The following MMP17 variants were observed in gnomAD, a reference collection of about 807,000 sequenced individuals.
MMP17 encodes the protein matrix metallopeptidase 17, also known as matrix metalloproteinase-17.
A neutral mutation model predicts 49.1 loss-of-function variants in MMP17; 54 were observed. That is an observed-to-expected ratio of 1.10 (90% CI 0.88 to 1.38). The LOEUF is 1.38. Ranked by LOEUF, MMP17 falls within the 40% of genes most tolerant of loss-of-function variation. The pLI, the probability that MMP17 is intolerant of heterozygous loss-of-function variation, is 0.00. For synonymous variants in MMP17, 397 were observed against 383.1 expected (o/e 1.04, Z -0.42); for missense variants, 837 against 853.7 (o/e 0.98, Z 0.24).
At chr12:131,829,550 C>T (rs941800238) in intron 1 of MMP17, among the ~76,000 whole-genome samples, 1 of 152,196 alleles carries the variant, frequency 6.6e-6, no homozygotes, top group African/African-American at 2.4e-5. Flanking sequence ...GACTCCTACC[C>T]AGGGAGTCGG....
chr12:131,849,985 C>A lies in MMP17; in HGVS notation c.1388C>A (p.Pro463His). Residue 463 changes from proline to histidine, a missense_variant, in exon 9 of 10, where the codon CCC (proline) becomes CAC (histidine). Coordinates refer to ENST00000360564, the MANE Select transcript of MMP17 (RefSeq NM_016155.7). Reference sequence around the variant, plus strand: ...GATGACCACACGAGGCACATGGACCCCGGCTACCCCGCCCAGAGCCCCCTG... The same window carrying A: ...GATGACCACACGAGGCACATGGACCACGGCTACCCCGCCCAGAGCCCCCTG... ...RYDDHTRHMD[P>H]GYPAQSPLWR... The A allele has an allele frequency of 1.2e-6, 2 of 1,613,796 alleles. No individual in the cohort carries two copies. The highest frequency in any genetic ancestry group is 1.3e-5 in the African/African-American group (1 of 75,050).
At chr12:131,830,467 C>T (rs1031051141) in intron 1 of MMP17, among the ~76,000 whole-genome samples, 2 of 152,234 alleles carry the variant, frequency 1.3e-5, no homozygotes, top group Admixed American at 6.5e-5. Context: ...GTGGAGCCTC[C>T]GTCCTGCCGC....
In MMP17 at chr12:131,836,678, A is replaced by G. The variant is rs992116223; in HGVS notation, c.160-1517A>G. Among the ~76,000 whole-genome samples the G allele has an allele frequency of 5.0e-4, 8 of 15,894 alleles. 1 individual carries two copies. The highest frequency in any genetic ancestry group is 2.3e-3 in the East Asian group (1 of 444). 10.4% of individuals were successfully genotyped at this position (15,894 alleles called of 152,430 possible). ...CAAGCATTTTCTAAATGTCCAGAGA[A>G]AAAAAAAAAGACAGGTTTGCAGGCA... On this transcript the variant is annotated intron_variant, in intron 1 of 9. Transcript: ENST00000360564.
At chr12:131,850,309 C>A (rs1023993902) in intron 9 of MMP17, among the ~76,000 whole-genome samples, 1 of 152,194 alleles carries the variant, frequency 6.6e-6, no homozygotes, top group African/African-American at 2.4e-5. Context: ...GCTGCTCCCC[C>A]AGCCACGCTC....
chr12:131,847,109 T>TA (rs34505286), intron 8 of MMP17, among the ~76,000 whole-genome samples: 61,877 of 136,396 alleles, frequency 0.45, 14,370 homozygotes, highest in Non-Finnish European at 0.56. Flanking sequence ...AGACCTTGTC[T>TA]AAAAAAAAAA....
chr12:131,837,990 G>C (rs1225975554), intron 1 of MMP17: 3 of 540,822 alleles, frequency 5.5e-6, no homozygotes, highest in Non-Finnish European at 6.3e-6. Context: ...GATTACAGGC[G>C]TGAGCCACAG....
Position 131,850,048 on chromosome 12 carries a change from G to T in MMP17, c.1451G>T (p.Arg484Leu). ...CCCAGCACGCTGGACGACGCCATGC[G>T]CTGGTCCGACGGTGAGTGCCAGCTG... ...GVPSTLDDAM[R>L]WSDGASYFFR... Residue 484 changes from arginine to leucine, a missense_variant, in exon 9 of 10, where the codon CGC (arginine) becomes CTC (leucine). Transcript: ENST00000360564. 1 of 1,610,896 alleles carries T rather than the reference G, an allele frequency of 6.2e-7. No homozygotes were observed. The highest frequency in any genetic ancestry group is 8.5e-7 in the Non-Finnish European group (1 of 1,178,776).
chr12:131,844,488 A>G (rs1887590787), intron 6 of MMP17: 1 of 272,082 alleles, frequency 3.7e-6, no homozygotes, highest in African/African-American at 2.3e-5. Flanking sequence ...GCTGGGCCCA[A>G]CTGGGACGGC....
chr12:131,845,072 G>A (rs779812228), intron 6 of MMP17, 46 bp from the exon 7 acceptor site: 102 of 1,498,480 alleles, frequency 6.8e-5, no homozygotes, highest in Non-Finnish European at 8.7e-5. Flanking sequence ...CCTGTCCCGC[G>A]CTGCCCAGGC....
At chr12:131,833,669 T>C (rs1317355015) in intron 1 of MMP17, among the ~76,000 whole-genome samples, 5 of 152,222 alleles carry the variant, frequency 3.3e-5, no homozygotes, top group Admixed American at 3.3e-4. Flanking sequence ...TTCTCATCTG[T>C]AAAATGGGGC....
chr12:131,847,318 C>T (rs1887760177), intron 8 of MMP17, among the ~76,000 whole-genome samples: 1 of 149,162 alleles, frequency 6.7e-6, no homozygotes, highest in Non-Finnish European at 1.5e-5. Flanking sequence ...GAGGCTGAGG[C>T]AGGAGAATGG....
intron 8 of MMP17, among the ~76,000 whole-genome samples, chr12:131,848,591 G>A (rs1488708482): frequency 7.9e-6 from 1 of 126,458 alleles, no homozygotes; most frequent in South Asian, 2.8e-4. Flanking sequence ...GGGCAGCCCC[G>A]CCCCTCCCCT....
In MMP17 at chr12:131,850,192, C is replaced by G. The variant is rs1026534835; in HGVS notation, c.1462+133C>G. On this transcript the variant is annotated intron_variant, in intron 9 of 9. Coordinates refer to ENST00000360564, the MANE Select transcript of MMP17 (RefSeq NM_016155.7). ...TCGGTGTGGGCTCTGAGGGTCCCAGCCCCTCGCCTGGAGCTGCCGACCCTG... is the reference window on the plus strand; with the variant it reads ...TCGGTGTGGGCTCTGAGGGTCCCAGGCCCTCGCCTGGAGCTGCCGACCCTG... 1.9e-5 allele frequency: 24 copies of G among 1,277,294 alleles called. No individual in the cohort carries two copies. In the African/African-American group the frequency reaches 2.6e-4, roughly 14 times the overall value. The allele number at this position is 1,277,294 out of a possible 1,614,324, so 79.1% of individuals were successfully genotyped here.
At chr12:131,836,954 TCCAGGCCCCCCTGTCC>T (rs560028810) in intron 1 of MMP17, among the ~76,000 whole-genome samples, 467 of 152,242 alleles carry the variant, frequency 3.1e-3, no homozygotes, top group Middle Eastern at 0.027. Flanking sequence ...ACAGATGGCA[TCCAGGCCCCCCTGTCC>T]CCAGGGCCCC....
chr12:131,837,624 G>A (rs2136317988), intron 1 of MMP17, among the ~76,000 whole-genome samples: 1 of 152,376 alleles, frequency 6.6e-6, no homozygotes, highest in East Asian at 1.9e-4. Flanking sequence ...GCGGTCTCAG[G>A]AGGCGTGGGG....
At position 131,846,052 on chromosome 12, in the gene MMP17, C is replaced by G. The variant is rs1337128211; in HGVS notation, c.1204+603C>G. Among the ~76,000 whole-genome samples the G allele has an allele frequency of 6.6e-6, 1 of 152,168 alleles. No homozygotes were observed. The highest frequency in any genetic ancestry group is 1.5e-5 in the Non-Finnish European group (1 of 68,028). ...GGAAGCACTCCTTTTGCCTCCAAGT[C>G]TCCGGGAAGGGCAGGAAAGGGAGAC... On this transcript the variant is annotated intron_variant, in intron 8 of 9. Coordinates refer to ENST00000360564, the MANE Select transcript of MMP17 (RefSeq NM_016155.7). This position sits in a 1 kb window ranked among gnomAD's most constrained non-coding sequence, Gnocchi z 4.6.
intron 3 of MMP17, 72 bp downstream of exon 3, chr12:131,838,813 T>G: frequency 7.1e-7 from 1 of 1,402,578 alleles, no homozygotes; most frequent in Non-Finnish European, 9.4e-7. Context: ...AGGAACGGGG[T>G]CTCCGTGGAG....
In MMP17 at chr12:131,847,370, A is replaced by G. The variant is rs868176274; in HGVS notation, c.1204+1921A>G. 4.8e-4 allele frequency among the ~76,000 whole-genome samples: 71 copies of G among 149,096 alleles called. No homozygotes were observed. The South Asian group carries it at 5.5e-3, about 12-fold the overall frequency. On this transcript the variant is annotated intron_variant, in intron 8 of 9. Coordinates refer to ENST00000360564, the MANE Select transcript of MMP17 (RefSeq NM_016155.7). ...GGAGTTTGCAGTGAGGTGAGATCACACCACTGGACTCCAGCCTGGGTGACA... is the reference window on the plus strand; with the variant it reads ...GGAGTTTGCAGTGAGGTGAGATCACGCCACTGGACTCCAGCCTGGGTGACA...
chr12:131,831,768 C>T (rs891519651), intron 1 of MMP17, among the ~76,000 whole-genome samples: 1 of 126,664 alleles, frequency 7.9e-6, no homozygotes, highest in Non-Finnish European at 1.6e-5. Context: ...GGCTGCCGTG[C>T]GATCAGCGGA....
Sources: gnomAD v4.1 joint callset for allele counts (sites outside exome capture counted in the v4.1 genomes callset) on GRCh38, gnomAD v4.1.1 for gene constraint, Gnocchi (gnomAD v3.1) non-coding constraint, MANE v1.5 for transcripts, NCBI Gene and HGNC (gene_info 2026-07-23, HGNC 2026-07-21) for gene names.